Variants in SKIL observed in about 807,000 individuals in gnomAD.
SKIL encodes SKI like proto-oncogene.
A neutral mutation model predicts 69.6 loss-of-function variants in SKIL; 20 were observed. That is an observed-to-expected ratio of 0.29 (90% CI 0.20 to 0.42). The LOEUF (loss-of-function observed/expected upper bound fraction) is 0.42, where lower values mean the gene tolerates loss of function less well. SKIL is among the 10% of genes least tolerant of loss of function. The probability of loss-of-function intolerance (pLI) is 1.00; values close to 1 mark genes in which losing one functional copy is unlikely to be tolerated. For missense variants in SKIL, 745 were observed against 783.1 expected, an observed-to-expected ratio of 0.95 and a Z score of 0.58; for synonymous variants, 310 against 279.9, an observed-to-expected ratio of 1.11 and a Z score of -1.08.
intron 2 of SKIL, among the ~76,000 whole-genome samples, chr3:170,372,767 T>A (rs73038334): frequency 1.3e-5 from 2 of 152,194 alleles, no homozygotes; most frequent in African/African-American, 4.8e-5. Context: ...TATCCAGTCA[T>A]ATGTTTAGTA....
rs1002823876 is a variant in SKIL, at chr3:170,393,544, A to G, written c.*1127A>G. 7 of 152,186 alleles carry G rather than the reference A, an allele frequency of 4.6e-5. No homozygotes were observed. Among genetic ancestry groups the G allele is most frequent in the Non-Finnish European group, 8.8e-5 (6 of 68,004 alleles). 9.4% of individuals were successfully genotyped at this position (152,186 alleles called of 1,614,324 possible). On this transcript the variant is annotated 3_prime_UTR_variant, in exon 7 of 7. Transcript: ENST00000259119. The stretch of plus-strand genomic sequence containing the variant: ...TAGATAAGTTTTAGAAGATAAAGGA[A>G]TTCCATAGTTTCAGGAGGGACAACA...
At chr3:170,391,300 G>A in intron 6 of SKIL, 40 bp downstream of exon 6, 1 of 1,156,112 alleles carries the variant, frequency 8.6e-7, no homozygotes, top group East Asian at 2.5e-5. Flanking sequence ...CTTTCAGCAT[G>A]GAAATGGAAA....
chr3:170,372,348 T>C (rs1736836021), intron 2 of SKIL, among the ~76,000 whole-genome samples: 1 of 152,232 alleles, frequency 6.6e-6, no homozygotes, highest in African/African-American at 2.4e-5. Context: ...GTAGGTGGTA[T>C]GATCTTTCAG....
At chr3:170,365,393 A>C (rs372453360) in intron 2 of SKIL, among the ~76,000 whole-genome samples, 105 of 152,304 alleles carry the variant, frequency 6.9e-4, no homozygotes, top group African/African-American at 2.4e-3. Context: ...TAAAGGCCAA[A>C]ACTTTTTGAA....
intron 2 of SKIL, among the ~76,000 whole-genome samples, chr3:170,367,956 A>C (rs1736625794): frequency 6.6e-6 from 1 of 152,122 alleles, no homozygotes; most frequent in Non-Finnish European, 1.5e-5. Context: ...TTAATTTTGC[A>C]TTTTCGTTTC....
intron 3 of SKIL, among the ~76,000 whole-genome samples, chr3:170,384,037 CA>C (rs58541525): frequency 0.087 from 6,180 of 70,950 alleles, 184 homozygotes; most frequent in East Asian, 0.18. Flanking sequence ...AATTACTTGC[CA>C]AAAAAAAAAA....
rs1266003711 is a variant in SKIL, at chr3:170,395,403, CAT to C, written c.*2989_*2990del. 2.0e-5 allele frequency: 3 copies of C among 152,018 alleles called. No homozygotes were observed. Among genetic ancestry groups the C allele is most frequent in the African/African-American group, 4.8e-5 (2 of 41,414 alleles). 9.4% of individuals were successfully genotyped at this position (152,018 alleles called of 1,614,324 possible). ...TATGCTTCTTGAACTAATTTTATAA[CAT>C]ATTTAATATATTACCAGTTAAGATA... On this transcript the variant is annotated 3_prime_UTR_variant, in exon 7 of 7. Coordinates refer to ENST00000259119, the MANE Select transcript of SKIL (RefSeq NM_005414.5).
At chr3:170,373,814 C>T (rs1438527782) in intron 2 of SKIL, among the ~76,000 whole-genome samples, 2 of 152,078 alleles carry the variant, frequency 1.3e-5, no homozygotes, top group African/African-American at 4.8e-5. Context: ...TCCCTTGAGC[C>T]CAGGAGTTGG....
rs745502176 is a variant in SKIL, at chr3:170,393,928, T to C, written c.*1511T>C. 2.6e-5 allele frequency: 4 copies of C among 152,086 alleles called. No homozygotes were observed. The highest frequency in any genetic ancestry group is 4.4e-5 in the Non-Finnish European group (3 of 67,998). The allele number at this position is 152,086 out of a possible 1,614,324, so 9.4% of individuals were successfully genotyped here. ...TTAACCAGTTATTTTCATATTTTGC[T>C]TAATAGTACATATCCAAAAAGAATT... On this transcript the variant is annotated 3_prime_UTR_variant, in exon 7 of 7. Coordinates refer to ENST00000259119, the MANE Select transcript of SKIL (RefSeq NM_005414.5).
At chr3:170,387,595 A>G (rs1737701004) in intron 4 of SKIL, among the ~76,000 whole-genome samples, 1 of 151,772 alleles carries the variant, frequency 6.6e-6, no homozygotes, top group Admixed American at 6.6e-5. Flanking sequence ...TCAGTCGGAC[A>G]TTTGCATTGG....
rs1032055154 is a variant in SKIL at position 170,371,146 on chromosome 3, T to C, written c.1098+9717T>C. Among the ~76,000 whole-genome samples, 5 of 152,318 alleles carry C rather than the reference T, an allele frequency of 3.3e-5. No homozygotes were observed. In the East Asian group the frequency reaches 9.6e-4, roughly 29 times the overall value. On this transcript the variant is annotated intron_variant, in intron 2 of 6. Coordinates refer to ENST00000259119, the MANE Select transcript of SKIL (RefSeq NM_005414.5). ...ATAACTGCCTCTGGAATTTATTCAT[T>C]TGCGTATGTAATTGTAACTGTGTTT...
At position 170,361,445 on chromosome 3, in the gene SKIL, C is replaced by T. The variant is rs1736228613; in HGVS notation, c.1098+16C>T. On this transcript the variant is annotated intron_variant, in intron 2 of 6. Transcript: ENST00000259119. ...TCAATCCAAGGCAAGTTTTTTATAT[C>T]AATTTTTAATAATGGTAATGGTTTA... 2 of 1,517,904 alleles carry T rather than the reference C, an allele frequency of 1.3e-6. No homozygotes were observed. The highest frequency in any genetic ancestry group is 1.8e-6 in the Non-Finnish European group (2 of 1,130,214). 94.0% of individuals were successfully genotyped at this position (1,517,904 alleles called of 1,614,324 possible).
chr3:170,379,806 G>A (rs757163255), intron 2 of SKIL, among the ~76,000 whole-genome samples: 5 of 152,018 alleles, frequency 3.3e-5, no homozygotes, highest in African/African-American at 7.2e-5. Context: ...ACCATGCCTC[G>A]TTAAGTTTTG....
intron 3 of SKIL, 42 bp from the exon 4 acceptor site, chr3:170,384,491 A>G (rs1362715689): frequency 1.1e-6 from 1 of 886,212 alleles, no homozygotes; most frequent in South Asian, 1.7e-5. Context: ...ACTTAATTGT[A>G]ATATGTAATA....
chr3:170,387,548 C>T (rs1737697207), intron 4 of SKIL, among the ~76,000 whole-genome samples: 1 of 151,858 alleles, frequency 6.6e-6, no homozygotes, highest in African/African-American at 2.4e-5. Context: ...GATAAGATTC[C>T]ATTATGTGAA....
chr3:170,387,646 G>A (rs1022304253), intron 4 of SKIL, among the ~76,000 whole-genome samples: 3 of 151,324 alleles, frequency 2.0e-5, no homozygotes, highest in African/African-American at 4.9e-5. Flanking sequence ...GCTATAGGCC[G>A]GGCGCGGTGG....
chr3:170,390,274 C>G lies in SKIL; in HGVS notation c.1481C>G (p.Thr494Ser). Residue 494 changes from threonine to serine, a missense_variant, in exon 5 of 7, where the codon ACT (threonine) becomes AGT (serine). Coordinates refer to ENST00000259119, the MANE Select transcript of SKIL (RefSeq NM_005414.5). ...STSKRKSESA[T>S]CNLVRDINKV... Reference sequence around the variant, plus strand: ...AGTAAAAGGAAATCTGAGTCTGCCACTTGCAACTTAGTCAGAGACATAAAC... The same window carrying G: ...AGTAAAAGGAAATCTGAGTCTGCCAGTTGCAACTTAGTCAGAGACATAAAC... 6.2e-7 allele frequency: 1 copy of G among 1,612,952 alleles called. No individual in the cohort carries two copies. The highest frequency in any genetic ancestry group is 8.5e-7 in the Non-Finnish European group (1 of 1,178,966).
Position 170,391,246 on chromosome 3 carries a change from G to C in SKIL, c.1882G>C (p.Glu628Gln). The C allele has an allele frequency of 6.3e-7, 1 of 1,592,252 alleles. No homozygotes were observed. Among genetic ancestry groups the C allele is most frequent in the Non-Finnish European group, 8.6e-7 (1 of 1,161,680 alleles). ...AAATTTAGAAAAAGACAAAGAGGCT[G>C]AATATGCAGGACAGGTAAGAATTAC... ...DSNLEKDKEA[E>Q]YAGQLAELRQ... The change falls in exon 6 of 7, where the codon GAA becomes CAA. Residue 628 changes from glutamate (E) to glutamine (Q), a missense_variant. Transcript: ENST00000259119.
chr3:170,390,349 A>G lies in SKIL; in HGVS notation c.1556A>G (p.Lys519Arg), dbSNP rs772639158. The change falls in exon 5 of 7, where the codon AAA (lysine) becomes AGA (arginine). Residue 519 changes from lysine (K) to arginine (R), a missense_variant. By Grantham distance (26) the Lys-to-Arg change is conservative (BLOSUM62 2). Transcript: ENST00000259119. ...GCCGCTTCATCTCCGCTTCTTGTGA[A>G]AGATGTCATTTGTGAGGATGATAAG... ...VAAASSPLLV[K>R]DVICEDDKGK... 4 of 1,614,036 alleles carry G rather than the reference A, an allele frequency of 2.5e-6. No homozygotes were observed. Among genetic ancestry groups the G allele is most frequent in the East Asian group, 2.2e-5 (1 of 44,896 alleles).
Sources: gnomAD v4.1 joint callset for allele counts (sites outside exome capture counted in the v4.1 genomes callset) on GRCh38, gnomAD v4.1.1 for gene constraint, MANE v1.5 for transcripts, NCBI Gene and HGNC (gene_info 2026-07-23, HGNC 2026-07-21) for gene names.